Variants in TRIM71 observed in about 807,000 individuals in gnomAD.
TRIM71 encodes E3 ubiquitin-protein ligase TRIM71.
A neutral mutation model predicts 61.2 loss-of-function variants in TRIM71; 9 were observed. That is an observed-to-expected ratio of 0.15 (90% CI 0.09 to 0.26). The LOEUF (loss-of-function observed/expected upper bound fraction) is 0.26, where lower values mean the gene tolerates loss of function less well. TRIM71 is among the 10% of genes least tolerant of loss of function. TRIM71 has a pLI of 1.00. For missense variants in TRIM71, 998 were observed against 1,238.7 expected, an observed-to-expected ratio of 0.81 and a Z score of 2.92; for synonymous variants, 645 against 553.2, an observed-to-expected ratio of 1.17 and a Z score of -2.33.
At chr3:32,845,651 A>G (rs144186767) in intron 1 of TRIM71, among the ~76,000 whole-genome samples, 252 of 152,264 alleles carry the variant, frequency 1.7e-3, no homozygotes, top group African/African-American at 5.8e-3. Flanking sequence ...TGAGAGAACA[A>G]AGGGCCTTGG....
At chr3:32,888,878 C>CTGTGGT (rs1234394963) in intron 3 of TRIM71, among the ~76,000 whole-genome samples, 4 of 152,080 alleles carry the variant, frequency 2.6e-5, no homozygotes, top group Admixed American at 2.0e-4. Context: ...CTACTGAAAG[C>CTGTGGT]TGTGGTTGTG....
At chr3:32,822,672 T>G (rs183753509) in intron 1 of TRIM71, among the ~76,000 whole-genome samples, 27 of 152,352 alleles carry the variant, frequency 1.8e-4, no homozygotes, top group Admixed American at 4.6e-4. Flanking sequence ...ATATTCATGT[T>G]CTTGCATAAA....
chr3:32,838,677 G>A (rs971373099), intron 1 of TRIM71, among the ~76,000 whole-genome samples: 24 of 152,142 alleles, frequency 1.6e-4, no homozygotes, highest in Admixed American at 1.3e-4. Flanking sequence ...GCTTGTAGAG[G>A]CTAGTGAACA....
intron 1 of TRIM71, among the ~76,000 whole-genome samples, chr3:32,844,788 T>C (rs996532812): frequency 1.1e-4 from 17 of 152,318 alleles, no homozygotes; most frequent in Middle Eastern, 3.4e-3. Context: ...TCCTAGAATA[T>C]TGAATCAACC....
At chr3:32,826,067 G>T (rs999081691) in intron 1 of TRIM71, among the ~76,000 whole-genome samples, 2 of 152,104 alleles carry the variant, frequency 1.3e-5, no homozygotes, top group African/African-American at 2.4e-5. Flanking sequence ...CCTCTCCCAT[G>T]CCATCTCTTG....
intron 1 of TRIM71, among the ~76,000 whole-genome samples, chr3:32,841,543 GT>G (rs1696405567): frequency 6.6e-6 from 1 of 151,992 alleles, no homozygotes; most frequent in Non-Finnish European, 1.5e-5. Context: ...GCGTGGTGGC[GT>G]GTGCAGTGAA....
At chr3:32,874,596 C>T (rs1696835132) in intron 2 of TRIM71, among the ~76,000 whole-genome samples, 1 of 152,098 alleles carries the variant, frequency 6.6e-6, no homozygotes, top group South Asian at 2.1e-4. Context: ...GATCTCGGCT[C>T]ACTGCAAGCT....
intron 1 of TRIM71, among the ~76,000 whole-genome samples, chr3:32,851,585 T>G: frequency 6.6e-6 from 1 of 152,168 alleles, no homozygotes; most frequent in East Asian, 1.9e-4. Context: ...TTCAAGCGAT[T>G]TTCCTGCCTC....
chr3:32,876,459 C>T (rs775677925), intron 2 of TRIM71, among the ~76,000 whole-genome samples: 1 of 152,156 alleles, frequency 6.6e-6, no homozygotes, highest in Admixed American at 6.5e-5. Context: ...TGGCAGGCAC[C>T]TGTAATGCCA....
intron 1 of TRIM71, among the ~76,000 whole-genome samples, chr3:32,856,475 T>A (rs1405263384): frequency 6.6e-6 from 1 of 152,078 alleles, no homozygotes; most frequent in African/African-American, 2.4e-5. Flanking sequence ...GATAACACTT[T>A]GAGGGCAAGG....
chr3:32,889,202 G>A (rs1696995590), intron 3 of TRIM71, among the ~76,000 whole-genome samples: 1 of 152,186 alleles, frequency 6.6e-6, no homozygotes, highest in African/African-American at 2.4e-5. Flanking sequence ...TACCTCCAAT[G>A]CCTGGCAAAG....
chr3:32,885,285 A>G (rs189996568), intron 2 of TRIM71, among the ~76,000 whole-genome samples: 225 of 147,286 alleles, frequency 1.5e-3, no homozygotes, highest in African/African-American at 5.1e-3. Context: ...TGGATTAATT[A>G]ACAATAATAC....
In TRIM71 at chr3:32,850,445, T is replaced by G. The variant is rs1696525173; in HGVS notation, c.853-23373T>G. On this transcript the variant is annotated intron_variant, in intron 1 of 3. Transcript: ENST00000383763. The stretch of plus-strand genomic sequence containing the variant: ...GTATTTCAAAGGGATATTGTATGTC[T>G]TGACTGGTAACTGCTTTTAAATAGG... Among the ~76,000 whole-genome samples the G allele has an allele frequency of 2.0e-5, 3 of 152,220 alleles. No homozygotes were observed. The South Asian group carries it at 6.2e-4, about 31-fold the overall frequency.
intron 1 of TRIM71, among the ~76,000 whole-genome samples, chr3:32,830,123 A>G (rs1696253088): frequency 6.6e-6 from 1 of 151,776 alleles, no homozygotes; most frequent in Non-Finnish European, 1.5e-5. Context: ...GGGTTTCACC[A>G]TGTTAGCCAG....
chr3:32,821,075 G>A (rs1559535546), intron 1 of TRIM71, among the ~76,000 whole-genome samples: 1 of 152,188 alleles, frequency 6.6e-6, no homozygotes, highest in Non-Finnish European at 1.5e-5. Flanking sequence ...CAGGTAGTGA[G>A]GTTCATAAAC....
At chr3:32,853,118 CTCTTTTTT>C (rs1320858623) in intron 1 of TRIM71, among the ~76,000 whole-genome samples, 2 of 110,950 alleles carry the variant, frequency 1.8e-5, no homozygotes, top group African/African-American at 6.6e-5. Context: ...CTCTCTCTCT[CTCTTTTTT>C]TTTTTTTTTT....
intron 2 of TRIM71, among the ~76,000 whole-genome samples, chr3:32,885,189 A>G (rs924717994): frequency 6.6e-6 from 1 of 152,194 alleles, no homozygotes; most frequent in Non-Finnish European, 1.5e-5. Flanking sequence ...AACCTGTTGT[A>G]CCAAGAGCAA....
intron 1 of TRIM71, among the ~76,000 whole-genome samples, chr3:32,835,290 A>G (rs747460305): frequency 6.6e-6 from 1 of 152,194 alleles, no homozygotes; most frequent in Admixed American, 6.5e-5. Context: ...TAGCTTCAGC[A>G]GGTTAAGAAA....
chr3:32,881,973 C>T (rs979456410), intron 2 of TRIM71, among the ~76,000 whole-genome samples: 3 of 152,138 alleles, frequency 2.0e-5, no homozygotes, highest in Non-Finnish European at 4.4e-5. Context: ...AGCTTTGAAT[C>T]CCCCTTTGAA....
Sources: gnomAD v4.1 joint callset for allele counts (sites outside exome capture counted in the v4.1 genomes callset) on GRCh38, gnomAD v4.1.1 for gene constraint, MANE v1.5 for transcripts, NCBI Gene and HGNC (gene_info 2026-07-23, HGNC 2026-07-21) for gene names.